CACNA2D3: variants seen among roughly 807,000 people sequenced by gnomAD.
CACNA2D3 encodes the protein voltage-dependent calcium channel subunit alpha-2/delta-3.
A neutral mutation model predicts 160.6 loss-of-function variants in CACNA2D3; 60 were observed. The observed-to-expected ratio is 0.37, with a 90% CI of 0.30 to 0.46. The LOEUF is 0.46. Among genes scored for constraint, CACNA2D3 ranks in the 20% least tolerant of loss-of-function variants. The pLI, the probability that CACNA2D3 is intolerant of heterozygous loss-of-function variation, is 1.00. For missense variants in CACNA2D3, 1,205 were observed against 1,365.0 expected (o/e 0.88, Z 1.85); for synonymous variants, 558 against 492.9 (o/e 1.13, Z -1.75).
intron 13 of CACNA2D3, among the ~76,000 whole-genome samples, chr3:54,786,125 C>T (rs551186316): frequency 1.3e-5 from 2 of 152,248 alleles, no homozygotes; most frequent in African/African-American, 2.4e-5. Flanking sequence ...CTATTACTCT[C>T]TCATAGAACC....
intron 2 of CACNA2D3, among the ~76,000 whole-genome samples, chr3:54,208,004 C>T (rs1701303125): frequency 6.6e-6 from 1 of 152,144 alleles, no homozygotes; most frequent in African/African-American, 2.4e-5. Context: ...TTGAACAGCT[C>T]AGTGTTGTCG....
At chr3:54,472,743 T>C (rs1700756174) in intron 4 of CACNA2D3, among the ~76,000 whole-genome samples, 2 of 152,020 alleles carry the variant, frequency 1.3e-5, no homozygotes, top group African/African-American at 4.8e-5. Flanking sequence ...ACACCAATAA[T>C]AGATAAACAG....
intron 3 of CACNA2D3, among the ~76,000 whole-genome samples, chr3:54,362,604 C>T (rs997923054): frequency 6.6e-6 from 1 of 152,170 alleles, no homozygotes; most frequent in Non-Finnish European, 1.5e-5. Context: ...CCTCATTCTG[C>T]ATGTGGGGGA....
intron 10 of CACNA2D3, among the ~76,000 whole-genome samples, chr3:54,629,907 G>A (rs1055362597): frequency 3.3e-5 from 5 of 152,312 alleles, no homozygotes; most frequent in East Asian, 1.9e-4. Flanking sequence ...CCTAAGTGGC[G>A]AAGGAGAAAG....
chr3:54,166,465 G>A (rs1425546173), intron 2 of CACNA2D3, among the ~76,000 whole-genome samples: 1 of 152,224 alleles, frequency 6.6e-6, no homozygotes, highest in Non-Finnish European at 1.5e-5. Flanking sequence ...ATATGTGGTA[G>A]AAGAATACAG....
At chr3:54,219,433 T>C (rs1701525244) in intron 2 of CACNA2D3, among the ~76,000 whole-genome samples, 1 of 152,194 alleles carries the variant, frequency 6.6e-6, no homozygotes, top group Non-Finnish European at 1.5e-5. Flanking sequence ...GACTGCCATC[T>C]CATGTTTGGG....
At chr3:54,637,575 T>C (rs1373018275) in intron 10 of CACNA2D3, 1 of 151,912 alleles carries the variant, frequency 6.6e-6, no homozygotes. Flanking sequence ...TGGCTGTCAA[T>C]ACTCACAACA....
intron 9 of CACNA2D3, among the ~76,000 whole-genome samples, chr3:54,615,682 G>T (rs1436280633): frequency 6.6e-6 from 1 of 152,188 alleles, no homozygotes; most frequent in Non-Finnish European, 1.5e-5. Context: ...CAATAATCTA[G>T]ATGAGTATAT....
intron 12 of CACNA2D3, among the ~76,000 whole-genome samples, chr3:54,760,950 C>A (rs922867098): frequency 1.3e-5 from 2 of 152,068 alleles, no homozygotes; most frequent in African/African-American, 4.8e-5. Flanking sequence ...GTGGGTCTGT[C>A]GCTCTGGAGA....
At chr3:54,762,557 C>T (rs566624049) in intron 12 of CACNA2D3, among the ~76,000 whole-genome samples, 10 of 152,330 alleles carry the variant, frequency 6.6e-5, no homozygotes, top group African/African-American at 2.2e-4. Context: ...GCTGCTTCTT[C>T]AATGCTAAAC....
chr3:54,736,018 CACATACAT>C (rs1371664263), intron 11 of CACNA2D3, among the ~76,000 whole-genome samples: 2 of 80,938 alleles, frequency 2.5e-5, no homozygotes, highest in African/African-American at 5.6e-5. Context: ...TATATATATA[CACATACAT>C]ATATATATGT....
intron 5 of CACNA2D3, among the ~76,000 whole-genome samples, chr3:54,526,200 T>G (rs544818780): frequency 2.4e-4 from 36 of 152,278 alleles, no homozygotes; most frequent in East Asian, 1.2e-3. Flanking sequence ...TATTTAATTC[T>G]CTATTTGATG....
intron 5 of CACNA2D3, among the ~76,000 whole-genome samples, chr3:54,560,058 A>G (rs939983120): frequency 1.3e-5 from 2 of 152,126 alleles, no homozygotes; most frequent in African/African-American, 2.4e-5. Context: ...GCATGGGTGT[A>G]TCTTTATAAT....
intron 27 of CACNA2D3, among the ~76,000 whole-genome samples, chr3:54,956,335 G>A (rs930388393): frequency 6.6e-6 from 1 of 152,182 alleles, no homozygotes; most frequent in Admixed American, 6.5e-5. Context: ...TGGAGATTCC[G>A]GGAAAAGAAA....
chr3:54,472,977 A>G (rs1356061308), intron 4 of CACNA2D3, among the ~76,000 whole-genome samples: 1 of 152,252 alleles, frequency 6.6e-6, no homozygotes, highest in Non-Finnish European at 1.5e-5. Context: ...TTATAGATTC[A>G]GCGCTGTCCC....
rs369786932 is a variant in CACNA2D3, at chr3:54,234,175, A to G, written c.205-86267A>G. ...TTAAATTTACAATAAAAAAAACTCC[A>G]TTAAAAAGTGGCGTGAACAGACACT... is the stretch of plus-strand genomic sequence containing the variant. On this transcript the variant is annotated intron_variant, in intron 2 of 37. Transcript: ENST00000474759. Among the ~76,000 whole-genome samples the G allele has an allele frequency of 4.6e-5, 7 of 152,324 alleles. No homozygotes were observed. In the East Asian group the frequency reaches 1.3e-3, roughly 29 times the overall value.
At chr3:55,039,255 C>A (rs1703905131) in intron 35 of CACNA2D3, among the ~76,000 whole-genome samples, 1 of 152,038 alleles carries the variant, frequency 6.6e-6, no homozygotes, top group African/African-American at 2.4e-5. Context: ...TCAGAAAATG[C>A]CCCAGCCTGC....
At chr3:54,713,548 C>T (rs1271872617) in intron 11 of CACNA2D3, among the ~76,000 whole-genome samples, 1 of 152,164 alleles carries the variant, frequency 6.6e-6, no homozygotes, top group Non-Finnish European at 1.5e-5. Flanking sequence ...TTCCTCTTTT[C>T]TTCTCATTAT....
chr3:54,712,269 A>T (rs1700965913), intron 11 of CACNA2D3, among the ~76,000 whole-genome samples: 1 of 152,196 alleles, frequency 6.6e-6, no homozygotes. Flanking sequence ...GGAGTCAGAG[A>T]TCAGATGAAG....
Sources: allele counts gnomAD v4.1 joint callset (sites outside exome capture counted in the v4.1 genomes callset), GRCh38; gene constraint gnomAD v4.1.1; transcripts MANE v1.5; gene names NCBI Gene and HGNC (gene_info 2026-07-23, HGNC 2026-07-21).